Variants in HM13 observed in about 807,000 individuals in gnomAD.
HM13 encodes the protein signal peptide peptidase.
A neutral mutation model predicts 50.0 loss-of-function variants in HM13; 18 were observed. The observed-to-expected ratio is 0.36, with a 90% CI of 0.25 to 0.53. The LOEUF is 0.53. Among genes scored for constraint, HM13 ranks in the 20% least tolerant of loss-of-function variants. The pLI is 0.90. For missense variants in HM13, 393 were observed against 552.4 expected (o/e 0.71, Z 2.89); for synonymous variants, 197 against 232.6 (o/e 0.85, Z 1.39).
At chr20:31,554,588 G>A (rs371326285) in intron 7 of HM13, 158 bp from the exon 8 acceptor site, 18 of 572,248 alleles carry the variant, frequency 3.1e-5, no homozygotes, top group Middle Eastern at 4.9e-4. Flanking sequence ...AGGCTGAGGC[G>A]GGAGAATGGC....
intron 2 of HM13, among the ~76,000 whole-genome samples, chr20:31,528,322 A>G (rs1423271237): frequency 6.6e-6 from 1 of 152,032 alleles, no homozygotes; most frequent in Non-Finnish European, 1.5e-5. Context: ...CGGGCTTTTT[A>G]TTTATTTATT....
Position 31,549,113 on chromosome 20 carries a change from A to G in HM13, c.539A>G (p.Lys180Arg). 2 of 1,614,000 alleles carry G rather than the reference A, an allele frequency of 1.2e-6. No individual in the cohort carries two copies. Among genetic ancestry groups the G allele is most frequent in the African/African-American group, 1.3e-5 (1 of 75,044 alleles). Reference sequence around the variant, plus strand: ...GTTGGCGTCTGGTACCTGCTGAGGAAGGTGAGTAGTCAGGACCTGGGCAGA... The same window carrying G: ...GTTGGCGTCTGGTACCTGCTGAGGAGGGTGAGTAGTCAGGACCTGGGCAGA... Reference protein sequence around the residue: ...SIVGVWYLLRKHWIANNLFGL... With the variant: ...SIVGVWYLLRRHWIANNLFGL... Residue 180 changes from lysine to arginine, a missense_variant and splice_region_variant, in exon 5 of 13, where the codon AAG becomes AGG. Coordinates refer to ENST00000398174, the MANE Select transcript of HM13 (RefSeq NM_178581.3).
At chr20:31,548,276 T>C (rs771584961) in intron 4 of HM13, 1 of 462,272 alleles carries the variant, frequency 2.2e-6, no homozygotes, top group Non-Finnish European at 4.0e-6. Context: ...GTGAAAGGAG[T>C]GTCTGGACTC....
chr20:31,548,464 T>G (rs1983844444), intron 4 of HM13: 1 of 187,912 alleles, frequency 5.3e-6, no homozygotes, highest in Non-Finnish European at 1.1e-5. Context: ...GCTAGTGAAC[T>G]GAGGCTGCCG....
intron 12 of HM13, among the ~76,000 whole-genome samples, chr20:31,568,835 A>C (rs1985087944): frequency 6.6e-6 from 1 of 152,320 alleles, no homozygotes; most frequent in African/African-American, 2.4e-5. Context: ...GGAAGCTTGA[A>C]ATCAGCCCAC....
intron 3 of HM13, 73 bp downstream of exon 3, chr20:31,538,334 T>C (rs1182984684): frequency 5.0e-6 from 8 of 1,613,374 alleles, no homozygotes; most frequent in Non-Finnish European, 6.8e-6. Context: ...GATGAGAACA[T>C]GACTTTTGGC....
chr20:31,523,720 G>A (rs1982318605), intron 1 of HM13, among the ~76,000 whole-genome samples: 1 of 152,234 alleles, frequency 6.6e-6, no homozygotes, highest in African/African-American at 2.4e-5. Flanking sequence ...GTGTGGAGAT[G>A]CTCAGAGGGG....
At chr20:31,558,087 T>A (rs958555513) in intron 8 of HM13, among the ~76,000 whole-genome samples, 3 of 152,228 alleles carry the variant, frequency 2.0e-5, no homozygotes, top group African/African-American at 7.2e-5. Context: ...ACACACAGGG[T>A]GTGCGTATAG....
At position 31,514,681 on chromosome 20, in the gene HM13, C is replaced by T. The variant is rs1262398542; in HGVS notation, c.130C>T (p.Leu44=). The change falls in exon 1 of 13, where the codon CTG becomes TTG. Residue 44 remains leucine, a synonymous_variant. Coordinates refer to ENST00000398174, the MANE Select transcript of HM13 (RefSeq NM_178581.3). The surrounding 1 kb of genome is among the most constrained non-coding windows in gnomAD (Gnocchi z 4.3). ...LAYGSLLLMA[L]LPIFFGALRS... ...CTACGGCAGCCTCCTGCTCATGGCG[C>T]TGCTGCCCATCTTCTTCGGCGCCCT... The T allele has an allele frequency of 8.4e-6, 13 of 1,556,356 alleles. No individual in the cohort carries two copies. Among genetic ancestry groups the T allele is most frequent in the Non-Finnish European group, 1.1e-5 (13 of 1,150,926 alleles).
chr20:31,515,538 A>G (rs1981720184), intron 1 of HM13, among the ~76,000 whole-genome samples: 1 of 151,860 alleles, frequency 6.6e-6, no homozygotes, highest in Admixed American at 6.6e-5. Context: ...CTTTGACCCT[A>G]TCTCAAAGTA....
intron 3 of HM13, among the ~76,000 whole-genome samples, chr20:31,542,779 C>T (rs1163459970): frequency 1.3e-5 from 2 of 152,146 alleles, no homozygotes; most frequent in Non-Finnish European, 1.5e-5. Context: ...TATAGGGTGC[C>T]AAGTGCTCAT....
intron 3 of HM13, among the ~76,000 whole-genome samples, chr20:31,542,781 A>G (rs1983519398): frequency 6.6e-6 from 1 of 152,202 alleles, no homozygotes; most frequent in Non-Finnish European, 1.5e-5. Flanking sequence ...TAGGGTGCCA[A>G]GTGCTCATTT....
rs1177256816 is a variant in HM13, at chr20:31,539,387, C to G, written c.365+1126C>G. ...CCAGAAGGAAGGAACTCACCTTGAACTTAGCTTTCTTTGAAGGGTAGGAAA... is the reference window on the plus strand; with the variant it reads ...CCAGAAGGAAGGAACTCACCTTGAAGTTAGCTTTCTTTGAAGGGTAGGAAA... On this transcript the variant is annotated intron_variant, in intron 3 of 12. Coordinates refer to ENST00000398174, the MANE Select transcript of HM13 (RefSeq NM_178581.3). 8.1e-6 allele frequency: 8 copies of G among 985,356 alleles called. No homozygotes were observed. In the Admixed American group the frequency reaches 2.5e-4, roughly 30 times the overall value. 61.0% of individuals were successfully genotyped at this position (985,356 alleles called of 1,614,324 possible).
Position 31,567,859 on chromosome 20 carries a change from GTTC to G in HM13, c.1035-214_1035-212del, listed in dbSNP as rs762318114. ...GCACATACACTTCTAGAGCATGCTTGTTCTTCTGCACAGTGGCCTGATGTGCCT... is the reference window on the plus strand; with the variant it reads ...GCACATACACTTCTAGAGCATGCTTGTTCTGCACAGTGGCCTGATGTGCCT... On this transcript the variant is annotated intron_variant, in intron 11 of 12. Coordinates refer to ENST00000398174, the MANE Select transcript of HM13 (RefSeq NM_178581.3). The G allele has an allele frequency of 7.2e-4, 383 of 534,226 alleles. 1 individual carries two copies. The highest frequency in any genetic ancestry group is 1.1e-3 in the Non-Finnish European group (324 of 304,242). 33.1% of individuals were successfully genotyped at this position (534,226 alleles called of 1,614,324 possible). A position where few individuals can be genotyped will look rare whatever the true frequency, so the allele number is the denominator to read the frequency against.
chr20:31,535,143 A>G (rs1983040654), intron 2 of HM13: 1 of 152,116 alleles, frequency 6.6e-6, no homozygotes, highest in South Asian at 2.1e-4. Context: ...GAATGTTCAT[A>G]TCCTATTTGT....
At chr20:31,542,450 G>C (rs979984367) in intron 3 of HM13, among the ~76,000 whole-genome samples, 1 of 152,222 alleles carries the variant, frequency 6.6e-6, no homozygotes, top group African/African-American at 2.4e-5. Flanking sequence ...CCAGGATGTG[G>C]CTTGTCAGTG....
intron 2 of HM13, among the ~76,000 whole-genome samples, chr20:31,531,335 A>T (rs1982802205): frequency 6.6e-6 from 1 of 151,838 alleles, no homozygotes; most frequent in African/African-American, 2.4e-5. Flanking sequence ...CACTGCGCCC[A>T]GCCAAAAACA....
In HM13 at chr20:31,514,811, C is replaced by G; in HGVS notation, c.183+77C>G. The G allele has an allele frequency of 7.9e-7, 1 of 1,271,322 alleles. No homozygotes were observed. Among genetic ancestry groups the G allele is most frequent in the South Asian group, 1.5e-5 (1 of 67,582 alleles). 78.8% of individuals were successfully genotyped at this position (1,271,322 alleles called of 1,614,324 possible). On this transcript the variant is annotated intron_variant, in intron 1 of 12. Transcript: ENST00000398174. This position sits in a 1 kb window ranked among gnomAD's most constrained non-coding sequence, Gnocchi z 4.3. ...CGACATGGACCCTTCCTAGGCGGGA[C>G]AGACACCTCTCCCCGGACACTGACT...
intron 1 of HM13, among the ~76,000 whole-genome samples, chr20:31,522,559 A>C (rs1299544222): frequency 3.9e-5 from 6 of 151,926 alleles, no homozygotes; most frequent in Non-Finnish European, 8.8e-5. Context: ...AAAAACAAAA[A>C]AAAAAAACTG....
Sources: gnomAD v4.1 joint callset for allele counts (sites outside exome capture counted in the v4.1 genomes callset) on GRCh38, gnomAD v4.1.1 for gene constraint, Gnocchi (gnomAD v3.1) non-coding constraint, MANE v1.5 for transcripts, NCBI Gene and HGNC (gene_info 2026-07-23, HGNC 2026-07-21) for gene names.